CORO2B: variants seen among roughly 807,000 people sequenced by gnomAD.
CORO2B encodes coronin-2B.
A neutral mutation model predicts 58.8 loss-of-function variants in CORO2B; 26 were observed. The observed-to-expected ratio is 0.44, with a 90% confidence interval of 0.32 to 0.61. CORO2B has a LOEUF of 0.61. Ranked by LOEUF, CORO2B falls within the 20% of genes least tolerant of loss-of-function variation. CORO2B has a pLI of 0.04. For synonymous variants in CORO2B, 242 were observed against 253.8 expected, an observed-to-expected ratio of 0.95 and a Z score of 0.44; for missense variants, 460 against 645.1, an observed-to-expected ratio of 0.71 and a Z score of 3.11.
chr15:68,556,177 A>G, the CORO2B span, among the ~76,000 whole-genome samples: 54 of 152,316 alleles, frequency 3.5e-4, no homozygotes, highest in Admixed American at 7.8e-4. Context: ...CCTTCCCACA[A>G]TGCCTCGTAA....
intron 2 of CORO2B, among the ~76,000 whole-genome samples, chr15:68,659,149 C>A (rs1012312310): frequency 2.0e-5 from 3 of 152,194 alleles, no homozygotes; most frequent in Non-Finnish European, 2.9e-5. Flanking sequence ...TTACTCAGTT[C>A]CTCCAGTAGG....
At chr15:68,724,158 C>T (rs927390509) in intron 11 of CORO2B, among the ~76,000 whole-genome samples, 5 of 152,186 alleles carry the variant, frequency 3.3e-5, no homozygotes, top group Admixed American at 2.0e-4. Context: ...GCCAAGATCG[C>T]GCCACTGCAC....
the CORO2B span, among the ~76,000 whole-genome samples, chr15:68,524,424 A>C: frequency 6.6e-6 from 1 of 152,292 alleles, no homozygotes; most frequent in East Asian, 1.9e-4. Flanking sequence ...TAACTAAATC[A>C]TAAATTCTTT....
At chr15:68,541,744 C>T in the CORO2B span, among the ~76,000 whole-genome samples, 1 of 152,236 alleles carries the variant, frequency 6.6e-6, no homozygotes, top group Non-Finnish European at 1.5e-5. Flanking sequence ...CCTTCTAACC[C>T]TTTCGGGTGA....
At chr15:68,560,738 C>T in the CORO2B span, among the ~76,000 whole-genome samples, 2 of 152,192 alleles carry the variant, frequency 1.3e-5, no homozygotes, top group Admixed American at 6.5e-5. Flanking sequence ...GCTGTGCTCC[C>T]TAGACTCCTG....
At chr15:68,685,741 G>A (rs918318796) in intron 2 of CORO2B, among the ~76,000 whole-genome samples, 2 of 136,322 alleles carry the variant, frequency 1.5e-5, no homozygotes, top group Non-Finnish European at 3.2e-5. Flanking sequence ...CAGATATTGG[G>A]ATTAAATTGA....
chr15:68,643,313 G>A (rs1163678269), intron 1 of CORO2B, among the ~76,000 whole-genome samples: 1 of 150,964 alleles, frequency 6.6e-6, no homozygotes. Flanking sequence ...GGAGAGGCTG[G>A]TCTGAGGTCA....
At chr15:68,622,149 G>A (rs867469304) in intron 1 of CORO2B, among the ~76,000 whole-genome samples, 2 of 152,214 alleles carry the variant, frequency 1.3e-5, no homozygotes, top group Middle Eastern at 3.2e-3. Flanking sequence ...ATGAGACGAA[G>A]TTGGAGAAGG....
chr15:68,566,383 G>C, the CORO2B span, among the ~76,000 whole-genome samples: 1 of 152,116 alleles, frequency 6.6e-6, no homozygotes, highest in Non-Finnish European at 1.5e-5. Flanking sequence ...CAGGCTGGCT[G>C]GTTCTAAAGC....
chr15:68,576,209 G>A (rs1033042962), upstream of CORO2B, among the ~76,000 whole-genome samples: 1 of 144,408 alleles, frequency 6.9e-6, no homozygotes, highest in Non-Finnish European at 1.5e-5. Flanking sequence ...GTATTTCTCA[G>A]TATCTCCTAC....
chr15:68,710,914 G>A lies in CORO2B; in HGVS notation c.483+33G>A. 1 of 1,559,588 alleles carries A rather than the reference G, an allele frequency of 6.4e-7. No homozygotes were observed. Among genetic ancestry groups the A allele is most frequent in the East Asian group, 2.3e-5 (1 of 43,380 alleles). ...GTGGGCAGGCAGCTGGGTGGAGAGG[G>A]ATTGGGGAAGAGAAAGGGGCCTTTT... is the stretch of plus-strand genomic sequence containing the variant. On this transcript the variant is annotated intron_variant, in intron 4 of 11. Transcript: ENST00000261861. The surrounding 1 kb of genome is among the most constrained non-coding windows in gnomAD (Gnocchi z 4.1).
At chr15:68,538,737 T>C in the CORO2B span, among the ~76,000 whole-genome samples, 1 of 146,366 alleles carries the variant, frequency 6.8e-6, no homozygotes, top group African/African-American at 2.5e-5. Flanking sequence ...CCAGCTTTAC[T>C]GTCATCTCCC....
chr15:68,692,323 G>A (rs1892397719), intron 2 of CORO2B, among the ~76,000 whole-genome samples: 1 of 152,108 alleles, frequency 6.6e-6, no homozygotes, highest in South Asian at 2.1e-4. Flanking sequence ...ATTCAGCTGG[G>A]CGCAATGGCA....
At chr15:68,555,210 A>C in the CORO2B span, among the ~76,000 whole-genome samples, 1 of 152,194 alleles carries the variant, frequency 6.6e-6, no homozygotes, top group Non-Finnish European at 1.5e-5. Context: ...GGTGACTGGG[A>C]AAAGTGAGTC....
chr15:68,677,644 T>C (rs1902632205), intron 2 of CORO2B, among the ~76,000 whole-genome samples: 1 of 152,170 alleles, frequency 6.6e-6, no homozygotes, highest in Admixed American at 6.5e-5. Context: ...AAAATAGCTG[T>C]CTTTGTCATA....
At chr15:68,720,064 G>T (rs1004437336) in intron 11 of CORO2B, among the ~76,000 whole-genome samples, 1 of 152,122 alleles carries the variant, frequency 6.6e-6, no homozygotes, top group Non-Finnish European at 1.5e-5. Flanking sequence ...GCGGTATTTC[G>T]TTCCAGCCCA....
chr15:68,642,057 G>C (rs1380941961), intron 1 of CORO2B, among the ~76,000 whole-genome samples: 1 of 79,238 alleles, frequency 1.3e-5, no homozygotes, highest in Admixed American at 1.5e-4. Context: ...TTTTTTTTGA[G>C]ACAGAGTCTC....
intron 1 of CORO2B, among the ~76,000 whole-genome samples, chr15:68,612,036 G>A (rs1051234571): frequency 6.6e-6 from 1 of 152,200 alleles, no homozygotes; most frequent in Non-Finnish European, 1.5e-5. Flanking sequence ...TGCCCAAAGT[G>A]CAGAGGCTAT....
the CORO2B span, among the ~76,000 whole-genome samples, chr15:68,561,907 G>A: frequency 4.6e-4 from 70 of 152,130 alleles, no homozygotes; most frequent in African/African-American, 1.6e-3. Flanking sequence ...GAGCATGACC[G>A]TGAGTGTGTG....
Sources: gnomAD v4.1 joint callset for allele counts (sites outside exome capture counted in the v4.1 genomes callset) on GRCh38, gnomAD v4.1.1 for gene constraint, Gnocchi (gnomAD v3.1) non-coding constraint, MANE v1.5 for transcripts, NCBI Gene and HGNC (gene_info 2026-07-23, HGNC 2026-07-21) for gene names.